Variants in BRD3 observed in about 807,000 individuals in gnomAD.
BRD3 encodes bromodomain-containing protein 3.
BRD3 carries 17 observed loss-of-function variants against 66.8 expected under a neutral mutation model. That is an observed-to-expected ratio of 0.25 (90% CI 0.17 to 0.38). BRD3 has a LOEUF of 0.38. Among genes scored for constraint, BRD3 ranks in the 10% least tolerant of loss-of-function variants. The pLI is 1.00. For synonymous variants in BRD3, 421 were observed against 393.2 expected (o/e 1.07, Z -0.84); for missense variants, 713 against 956.1 (o/e 0.75, Z 3.35).
intron 1 of BRD3, among the ~76,000 whole-genome samples, chr9:134,061,394 A>C (rs1830541541): frequency 1.3e-5 from 2 of 152,234 alleles, no homozygotes; most frequent in African/African-American, 4.8e-5. Context: ...TTCCAGCTAT[A>C]GCATGAGTCT....
chr9:134,044,423 G>A (rs1272255355), intron 7 of BRD3, among the ~76,000 whole-genome samples: 1 of 152,166 alleles, frequency 6.6e-6, no homozygotes, highest in African/African-American at 2.4e-5. Context: ...TCTATGCAAG[G>A]ACTGAGAACA....
chr9:134,057,902 T>C (rs7039015), intron 1 of BRD3: 5,407 of 152,466 alleles, frequency 0.035, 325 homozygotes, highest in African/African-American at 0.12. Flanking sequence ...AAAGGGCTGA[T>C]TGCAGGGCCC....
Position 134,045,654 on chromosome 9 carries a change from A to G in BRD3, c.1087-233T>C, listed in dbSNP as rs775037261. Among the ~76,000 whole-genome samples, 3 of 152,184 alleles carry G rather than the reference A, an allele frequency of 2.0e-5. No homozygotes were observed. The highest frequency in any genetic ancestry group is 4.4e-5 in the Non-Finnish European group (3 of 68,036). ...TGGCAGGGAGGGTCTGGGACTCCAG[A>G]GACAGATCTCCTGATTGGAAGAAAA... On this transcript the variant is annotated intron_variant, in intron 6 of 11. Transcript: ENST00000303407. This position sits in a 1 kb window ranked among gnomAD's most constrained non-coding sequence, Gnocchi z 4.8.
chr9:134,054,253 C>T (rs1230232015), intron 1 of BRD3: 1 of 152,246 alleles, frequency 6.6e-6, no homozygotes, highest in Admixed American at 6.5e-5. Context: ...CAGACCCTGC[C>T]GACCTCCACA....
At chr9:134,054,435 T>G (rs1382442972) in intron 1 of BRD3, 1 of 152,288 alleles carries the variant, frequency 6.6e-6, no homozygotes, top group East Asian at 1.9e-4. Flanking sequence ...GGAGAACGCA[T>G]GCAGGCCTCC....
intron 1 of BRD3, among the ~76,000 whole-genome samples, chr9:134,067,393 G>A (rs1347808442): frequency 8.8e-6 from 1 of 114,100 alleles, no homozygotes; most frequent in African/African-American, 2.7e-5. Flanking sequence ...GTCCCCAGGC[G>A]CGGGCCCCAG....
chr9:134,047,918 TTGCCAGCCACAGCCGGCGCTGCGGG>T (rs1564552909), intron 6 of BRD3, 140 bp downstream of exon 6: 1 of 997,288 alleles, frequency 1.0e-6, no homozygotes, highest in African/African-American at 1.7e-5. Flanking sequence ...TCGCTGAGCC[TTGCCAGCCACAGCCGGCGCTGCGGG>T]GGCCAGCCTG....
In BRD3 at chr9:134,030,986, C is replaced by A. The variant is rs1285382621; in HGVS notation, c.*2604G>T. On this transcript the variant is annotated 3_prime_UTR_variant, in exon 12 of 12. Transcript: ENST00000303407. ...CCGCAGCCTTCTAATACAGAAGAAA[C>A]GGACGTGACTGTCACCCTCAGCCCG... 2.6e-5 allele frequency: 6 copies of A among 230,596 alleles called. No individual in the cohort carries two copies. The East Asian group carries it at 3.7e-4, about 14-fold the overall frequency. 14.3% of individuals were successfully genotyped at this position (230,596 alleles called of 1,614,324 possible). A position where few individuals can be genotyped will look rare whatever the true frequency, so the allele number is the denominator to read the frequency against.
chr9:134,040,394 A>C, intron 8 of BRD3, 125 bp from the exon 9 acceptor site: 1 of 1,079,966 alleles, frequency 9.3e-7, no homozygotes, highest in Non-Finnish European at 1.3e-6. Flanking sequence ...TGAGGAGGTG[A>C]ACCAGGAGCA....
At chr9:134,047,968 C>G (rs10993900) in intron 6 of BRD3, 115 bp downstream of exon 6, 1 of 1,378,516 alleles carries the variant, frequency 7.3e-7, no homozygotes, top group East Asian at 2.6e-5. Flanking sequence ...GTGCGCTTCT[C>G]CGGCAAGCGA....
At chr9:134,064,704 T>TACAA (rs900010526) in intron 1 of BRD3, among the ~76,000 whole-genome samples, 6 of 152,016 alleles carry the variant, frequency 3.9e-5, no homozygotes, top group Middle Eastern at 3.4e-3. Context: ...CTACTAAAAA[T>TACAA]ACAAACAAAC....
Position 134,040,260 on chromosome 9 carries a change from C to T in BRD3, c.1417G>A (p.Val473Met), listed in dbSNP as rs2132394055. 1 of 1,594,954 alleles carries T rather than the reference C, an allele frequency of 6.3e-7. No homozygotes were observed. The highest frequency in any genetic ancestry group is 8.5e-7 in the Non-Finnish European group (1 of 1,171,898). Residue 473 changes from valine (V) to methionine (M), a missense_variant, in exon 9 of 12, where the codon GTG (valine) becomes ATG (methionine). Transcript: ENST00000303407. Reference protein sequence around the residue: ...LAELQEQLKAVHEQLAALSQA... With the variant: ...LAELQEQLKAMHEQLAALSQA... ...GACAGGGCGGCCAGCTGCTCGTGCA[C>T]GGCCTTCAGCTGGAAAAGAGCGGGC...
chr9:134,042,595 C>T (rs2132400325), intron 7 of BRD3, among the ~76,000 whole-genome samples: 1 of 151,882 alleles, frequency 6.6e-6, no homozygotes, highest in South Asian at 2.1e-4. Context: ...CGAAATCATG[C>T]CACTGCACTC....
rs1280872413 is a variant in BRD3 at position 134,032,989 on chromosome 9, CCCACCCGA to C, written c.*593_*600del. On this transcript the variant is annotated 3_prime_UTR_variant, in exon 12 of 12. Coordinates refer to ENST00000303407, the MANE Select transcript of BRD3 (RefSeq NM_007371.4). ...ATCACCACGAGCGGAGAACGCACAT[CCCACCCGA>C]CCACCCCCCAAGGGCTCCACGCTCC... The C allele has an allele frequency of 2.5e-6, 1 of 396,854 alleles. No individual in the cohort carries two copies. The highest frequency in any genetic ancestry group is 4.4e-6 in the Non-Finnish European group (1 of 225,354). The allele number at this position is 396,854 out of a possible 1,614,324, so 24.6% of individuals were successfully genotyped here.
At chr9:134,051,864 TGTGTGTGTG>T (rs1830305733) in intron 3 of BRD3, among the ~76,000 whole-genome samples, 155 bp from the exon 4 acceptor site, 119 of 113,936 alleles carry the variant, frequency 1.0e-3, no homozygotes, top group African/African-American at 4.5e-3. Flanking sequence ...TGTGTGTGTG[TGTGTGTGTG>T]TGTGTTGTTT....
rs562288284 is a variant in BRD3, at chr9:134,042,818, CAT to C, written c.1216-869_1216-868del. On this transcript the variant is annotated intron_variant, in intron 7 of 11. Transcript: ENST00000303407. ...ACACACACACACACACACACACACA[CAT>C]TTTTAAGTTTTACTTTTACTAATTT... 2.2e-4 allele frequency among the ~76,000 whole-genome samples: 28 copies of C among 129,342 alleles called. 1 individual carries two copies. The South Asian group carries it at 3.8e-3, about 17-fold the overall frequency. The allele number at this position is 129,342 out of a possible 152,430, so 84.9% of individuals were successfully genotyped here.
intron 1 of BRD3, among the ~76,000 whole-genome samples, chr9:134,054,946 C>G (rs186831044): frequency 6.6e-6 from 1 of 152,176 alleles, no homozygotes; most frequent in Non-Finnish European, 1.5e-5. Context: ...CATGCCAGCA[C>G]GAGAGAACGT....
chr9:134,034,230 G>A (rs1461898575), intron 11 of BRD3, among the ~76,000 whole-genome samples: 1 of 152,216 alleles, frequency 6.6e-6, no homozygotes, highest in Non-Finnish European at 1.5e-5. Context: ...CTCTAACAGG[G>A]TCCAGAAAAA....
In BRD3 at chr9:134,045,380, A is replaced by C; in HGVS notation, c.1128T>G (p.Phe376Leu). Residue 376 changes from phenylalanine (F) to leucine (L), a missense_variant, in exon 7 of 12, where the codon TTT becomes TTG. Around this residue, in one of 5 missense-constraint regions of BRD3, gnomAD observed 418 missense variants for 609.3 expected, o/e 0.69. Transcript: ENST00000303407. The surrounding 1 kb of genome is among the most constrained non-coding windows in gnomAD (Gnocchi z 4.8). ...DGREYPDAQG[F>L]AADVRLMFSN... ...AGAACATCAGCCGGACATCAGCAGC[A>C]AAGCCCTGTGCGTCTGGGTACTCTC... 6.2e-7 allele frequency: 1 copy of C among 1,613,692 alleles called. No individual in the cohort carries two copies. The highest frequency in any genetic ancestry group is 8.5e-7 in the Non-Finnish European group (1 of 1,179,992).
Sources: gnomAD v4.1 joint callset for allele counts (sites outside exome capture counted in the v4.1 genomes callset) on GRCh38, gnomAD v4.1.1 for gene constraint, gnomAD v4.1.1 regional missense constraint, Gnocchi (gnomAD v3.1) non-coding constraint, MANE v1.5 for transcripts, NCBI Gene and HGNC (gene_info 2026-07-23, HGNC 2026-07-21) for gene names.